Variants in PCDHGA4 observed in about 807,000 individuals in gnomAD.
PCDHGA4 encodes the protein protocadherin gamma-A4.
Under a neutral mutation model 54.6 loss-of-function variants are expected in PCDHGA4, and 38 were observed. The ratio of observed to expected loss-of-function variants is 0.70; its 90% CI spans 0.54 to 0.91. PCDHGA4 has a LOEUF of 0.91. PCDHGA4 is among the 40% of genes least tolerant of loss of function. PCDHGA4 has a pLI of 0.00. For synonymous variants in PCDHGA4, 511 were observed against 512.9 expected, an observed-to-expected ratio of 1.00 and a Z score of 0.05; for missense variants, 1,298 against 1,220.9, an observed-to-expected ratio of 1.06 and a Z score of -0.94.
At chr5:141,450,817 A>T (rs1302552522) in intron 1 of PCDHGA4, among the ~76,000 whole-genome samples, 1 of 137,468 alleles carries the variant, frequency 7.3e-6, no homozygotes, top group Non-Finnish European at 1.5e-5. Context: ...TTTATTTAAT[A>T]TTATTATTAT....
chr5:141,386,226 C>T (rs1164415292), intron 1 of PCDHGA4, among the ~76,000 whole-genome samples: 1 of 152,142 alleles, frequency 6.6e-6, no homozygotes, highest in Non-Finnish European at 1.5e-5. Flanking sequence ...ATTAGGTCTA[C>T]TGAAAAATTC....
At chr5:141,359,553 C>G (rs954176104) in intron 1 of PCDHGA4, among the ~76,000 whole-genome samples, 1 of 150,936 alleles carries the variant, frequency 6.6e-6, no homozygotes, top group Non-Finnish European at 1.5e-5. Flanking sequence ...TAGGAAAGCT[C>G]TCTATGTACT....
rs1226194073 is a variant in PCDHGA4, at chr5:141,490,496, A to G, written c.2515-4311A>G. The G allele has an allele frequency of 6.2e-7, 1 of 1,614,096 alleles. No individual in the cohort carries two copies. Among genetic ancestry groups the G allele is most frequent in the East Asian group, 2.2e-5 (1 of 44,894 alleles). On this transcript the variant is annotated intron_variant, in intron 1 of 3. Coordinates refer to ENST00000571252, the MANE Select transcript of PCDHGA4 (RefSeq NM_018917.4). The surrounding 1 kb of genome is among the most constrained non-coding windows in gnomAD (Gnocchi z 5.4). ...CCTTTGGACCGGGAGGCCACATCCCACTATATCATCGAGCTGCTGGCCAGC... is the reference window on the plus strand; with the variant it reads ...CCTTTGGACCGGGAGGCCACATCCCGCTATATCATCGAGCTGCTGGCCAGC...
chr5:141,406,998 A>T (rs138992041), intron 1 of PCDHGA4, among the ~76,000 whole-genome samples: 1 of 152,234 alleles, frequency 6.6e-6, no homozygotes, highest in Non-Finnish European at 1.5e-5. Context: ...ATTTGAAAAT[A>T]AGCTTTGAAG....
chr5:141,490,561 A>G lies in PCDHGA4; in HGVS notation c.2515-4246A>G. On this transcript the variant is annotated intron_variant, in intron 1 of 3. Coordinates refer to ENST00000571252, the MANE Select transcript of PCDHGA4 (RefSeq NM_018917.4). This position sits in a 1 kb window ranked among gnomAD's most constrained non-coding sequence, Gnocchi z 5.4. Reference sequence around the variant, plus strand: ...TTCCCTACACAAACATCTCACCATCAGGCTCAACATTTCAGATGTCAATGA... The same window carrying G: ...TTCCCTACACAAACATCTCACCATCGGGCTCAACATTTCAGATGTCAATGA... 6.2e-7 allele frequency: 1 copy of G among 1,614,090 alleles called. No individual in the cohort carries two copies. The highest frequency in any genetic ancestry group is 8.5e-7 in the Non-Finnish European group (1 of 1,180,004).
chr5:141,384,261 C>G (rs1561601309), intron 1 of PCDHGA4: 1 of 1,613,910 alleles, frequency 6.2e-7, no homozygotes, highest in East Asian at 2.2e-5. Context: ...CCTTCCCCCA[C>G]TCATCCTACT....
intron 1 of PCDHGA4, chr5:141,385,839 AT>A (rs758941967): frequency 8.1e-4 from 124 of 153,978 alleles, no homozygotes; most frequent in Admixed American, 2.3e-3. Context: ...CAGTATAATC[AT>A]TTATTAATGG....
At position 141,379,889 on chromosome 5, in the gene PCDHGA4, C is replaced by CTTTTTTTTTTTTTTT. The variant is rs70988800; in HGVS notation, c.2514+22284_2514+22298dup. On this transcript the variant is annotated intron_variant, in intron 1 of 3. Coordinates refer to ENST00000571252, the MANE Select transcript of PCDHGA4 (RefSeq NM_018917.4). ...CTTATTTTATGGTCTGTGAAAGCCT[C>CTTTTTTTTTTTTTTT]TTTTTTTTTTTTTTTTTTTTTTTTT... Among the ~76,000 whole-genome samples, 120 of 50,828 alleles carry CTTTTTTTTTTTTTTT rather than the reference C, an allele frequency of 2.4e-3. 21 individuals carry two copies. The highest frequency in any genetic ancestry group is 3.0e-3 in the Non-Finnish European group (77 of 25,882). 33.3% of individuals were successfully genotyped at this position (50,828 alleles called of 152,430 possible).
intron 1 of PCDHGA4, among the ~76,000 whole-genome samples, chr5:141,460,951 G>GTATATA (rs200454978): frequency 7.2e-6 from 1 of 139,722 alleles, no homozygotes; most frequent in African/African-American, 2.8e-5. Flanking sequence ...TATGTATTAT[G>GTATATA]TATATATATA....
chr5:141,438,288 G>C (rs752722248), intron 1 of PCDHGA4, among the ~76,000 whole-genome samples: 18 of 151,902 alleles, frequency 1.2e-4, no homozygotes, highest in Non-Finnish European at 2.1e-4. Flanking sequence ...AATTTAATCT[G>C]TATGTAAAAG....
Position 141,489,595 on chromosome 5 carries a change from G to A in PCDHGA4, c.2515-5212G>A. The A allele has an allele frequency of 1.2e-6, 2 of 1,614,132 alleles. No individual in the cohort carries two copies. Among genetic ancestry groups the A allele is most frequent in the Non-Finnish European group, 1.7e-6 (2 of 1,180,004 alleles). On this transcript the variant is annotated intron_variant, in intron 1 of 3. Coordinates refer to ENST00000571252, the MANE Select transcript of PCDHGA4 (RefSeq NM_018917.4). The surrounding 1 kb of genome is among the most constrained non-coding windows in gnomAD (Gnocchi z 4.5). Reference sequence around the variant, plus strand: ...TGAACACCCCCTGGAGCTAATCCGTGTAGAGGTAGAGATCCTGGATCTCAA... The same window carrying A: ...TGAACACCCCCTGGAGCTAATCCGTATAGAGGTAGAGATCCTGGATCTCAA...
At chr5:141,478,247 G>C (rs1377698933) in intron 1 of PCDHGA4, 1 of 1,613,956 alleles carries the variant, frequency 6.2e-7, no homozygotes, top group Non-Finnish European at 8.5e-7. Context: ...CACAGTGTTC[G>C]GAGTAATCAT....
intron 1 of PCDHGA4, among the ~76,000 whole-genome samples, chr5:141,453,067 C>T (rs1227122711): frequency 1.3e-5 from 2 of 152,024 alleles, no homozygotes; most frequent in Admixed American, 6.6e-5. Flanking sequence ...AGAGTTTTGC[C>T]ACACTCTGGT....
intron 1 of PCDHGA4, chr5:141,366,634 G>C (rs1349897930): frequency 1.9e-6 from 3 of 1,614,220 alleles, no homozygotes; most frequent in Middle Eastern, 1.6e-4. Context: ...AGAGTCACCT[G>C]ATCTTTCCCC....
intron 1 of PCDHGA4, among the ~76,000 whole-genome samples, chr5:141,472,555 A>T (rs1360460094): frequency 6.6e-6 from 1 of 152,024 alleles, no homozygotes; most frequent in South Asian, 2.1e-4. Flanking sequence ...AAAAAAAATT[A>T]TATTATAAAT....
At position 141,505,378 on chromosome 5, in the gene PCDHGA4, C is replaced by T. The variant is rs376550639; in HGVS notation, c.2574-15C>T. 2 of 1,614,034 alleles carry T rather than the reference C, an allele frequency of 1.2e-6. No homozygotes were observed. The highest frequency in any genetic ancestry group is 2.2e-5 in the East Asian group (1 of 44,872). On this transcript the variant is annotated splice_polypyrimidine_tract_variant and intron_variant, in intron 2 of 3. Transcript: ENST00000571252. ...GGCCTGGGAGTCTGTGCTCACCATC[C>T]TACTCTCTCCCCAGCTCCCAAAATG...
intron 1 of PCDHGA4, chr5:141,372,939 G>A (rs1026338118): frequency 1.1e-5 from 9 of 824,676 alleles, no homozygotes; most frequent in Non-Finnish European, 1.6e-5. Flanking sequence ...GTAGAGTAGG[G>A]TGTCTAGGAA....
Position 141,424,835 on chromosome 5 carries a change from T to C in PCDHGA4, c.2514+67214T>C, listed in dbSNP as rs999861185. Among the ~76,000 whole-genome samples, 20 of 152,310 alleles carry C rather than the reference T, an allele frequency of 1.3e-4. No individual in the cohort carries two copies. The South Asian group carries it at 3.5e-3, about 27-fold the overall frequency. On this transcript the variant is annotated intron_variant, in intron 1 of 3. Coordinates refer to ENST00000571252, the MANE Select transcript of PCDHGA4 (RefSeq NM_018917.4). ...AAGCTTGATAGTTGCCTGACATACA[T>C]GTTATCTGAAGCAATGTCTAGGAAA... is the stretch of plus-strand genomic sequence containing the variant.
In PCDHGA4 at chr5:141,357,069, A is replaced by C. The variant is rs777295000; in HGVS notation, c.1962A>C (p.Thr654=). The stretch of plus-strand genomic sequence containing the variant: ...GACTATTTGCAGTGGGGCTGCACAC[A>C]GGCGAGGTGCGCACCGCACGGGCCC... ...EPGLFAVGLH[T]GEVRTARALL... is the part of the protein sequence containing the mutation. The change falls in exon 1 of 4, where the codon ACA becomes ACC. Residue 654 remains threonine, a synonymous_variant. Transcript: ENST00000571252. 6.2e-7 allele frequency: 1 copy of C among 1,613,964 alleles called. No homozygotes were observed. The highest frequency in any genetic ancestry group is 8.5e-7 in the Non-Finnish European group (1 of 1,179,968).
Sources: allele counts gnomAD v4.1 joint callset (sites outside exome capture counted in the v4.1 genomes callset), GRCh38; gene constraint gnomAD v4.1.1; non-coding constraint Gnocchi (gnomAD v3.1); transcripts MANE v1.5; gene names NCBI Gene and HGNC (gene_info 2026-07-23, HGNC 2026-07-21).